Variants in RPL9 observed in about 807,000 individuals in gnomAD.
RPL9 encodes ribosomal protein L9.
For synonymous variants in RPL9, 82 were observed against 77.1 expected, an observed-to-expected ratio of 1.06 and a Z score of -0.33; for missense variants, 149 against 236.7, an observed-to-expected ratio of 0.63 and a Z score of 2.43.
intron 3 of RPL9, chr4:39,457,887 C>A: frequency 1.6e-6 from 1 of 626,750 alleles, no homozygotes; most frequent in Non-Finnish European, 2.8e-6. Context: ...AAAATTAAAT[C>A]ATCAGGTTTA....
chr4:39,457,502 C>A (rs1036017680), intron 4 of RPL9, 84 bp downstream of exon 4: 1 of 1,170,636 alleles, frequency 8.5e-7, no homozygotes. Context: ...GACCCATTCT[C>A]TGAAAGAGAC....
intron 1 of RPL9, 109 bp from the exon 2 acceptor site, chr4:39,458,549 C>T: frequency 8.2e-7 from 1 of 1,222,936 alleles, no homozygotes; most frequent in African/African-American, 1.5e-5. Flanking sequence ...AAGTTCCAGA[C>T]AAGATGTCGG....
intron 3 of RPL9, 125 bp from the exon 4 acceptor site, chr4:39,457,806 A>T: frequency 2.4e-6 from 2 of 846,266 alleles, no homozygotes; most frequent in Non-Finnish European, 3.8e-6. Context: ...TTTCAACTGG[A>T]AAAATCCAAC....
At position 39,458,421 on chromosome 4, in the gene RPL9, T is replaced by G. The variant is rs778677660; in HGVS notation, c.19A>C (p.Asn7His). The G allele has an allele frequency of 4.3e-6, 7 of 1,614,236 alleles. No individual in the cohort carries two copies. The highest frequency in any genetic ancestry group is 1.6e-4 in the Middle Eastern group (1 of 6,062). The change falls in exon 2 of 8, where the codon AAT (asparagine) becomes CAT (histidine). Residue 7 changes from asparagine (N) to histidine (H), a missense_variant. Coordinates refer to ENST00000295955, the MANE Select transcript of RPL9 (RefSeq NM_000661.5). ...TTTTCTGGAATGTCGACAGTCTGAT[T>G]GCTGAGAATAGTCTTCATTCTGAAA... MKTILS[N>H]QTVDIPENVD...
rs750658575 is a variant in RPL9 at position 39,458,906 on chromosome 4, G to A, written c.-17C>T. ...ACATCCTTACCTCGCAGTAGACGCAGCAAAGAAAGAACGTCTGTCGTCATT... is the reference window on the plus strand; with the variant it reads ...ACATCCTTACCTCGCAGTAGACGCAACAAAGAAAGAACGTCTGTCGTCATT... On this transcript the variant is annotated 5_prime_UTR_variant, in exon 1 of 8. Transcript: ENST00000295955. The A allele has an allele frequency of 3.4e-5, 24 of 707,490 alleles. No homozygotes were observed. In the Admixed American group the frequency reaches 4.2e-4, roughly 12 times the overall value. The allele number at this position is 707,490 out of a possible 1,614,324, so 43.8% of individuals were successfully genotyped here.
At chr4:39,457,761 A>G in intron 3 of RPL9, 80 bp from the exon 4 acceptor site, 1 of 1,202,094 alleles carries the variant, frequency 8.3e-7, no homozygotes, top group Non-Finnish European at 1.2e-6. Flanking sequence ...AATTACTTTA[A>G]GATTCTAGAA....
chr4:39,458,606 G>C, intron 1 of RPL9, 166 bp from the exon 2 acceptor site: 1 of 683,576 alleles, frequency 1.5e-6, no homozygotes, highest in Non-Finnish European at 2.5e-6. Flanking sequence ...AGCCTGGAAG[G>C]AGCAGCCCCA....
At chr4:39,456,032 C>A in intron 5 of RPL9, 1 of 271,400 alleles carries the variant, frequency 3.7e-6, no homozygotes, top group Non-Finnish European at 7.2e-6. Context: ...TGTTAATTAG[C>A]CTGATTTAGT....
intron 5 of RPL9, 46 bp from the exon 6 acceptor site, chr4:39,454,990 A>T: frequency 6.5e-7 from 1 of 1,538,852 alleles, no homozygotes; most frequent in Non-Finnish European, 8.9e-7. Context: ...CTGTGTAAAA[A>T]ATATTTAAAT....
At position 39,456,393 on chromosome 4, in the gene RPL9, G is replaced by C. The variant is rs762487278; in HGVS notation, c.391+13C>G. ...GAAAAATTTCTTAATTCTGTCTGAG[G>C]GTATGCACATACCTGGTCTCATCCG... On this transcript the variant is annotated intron_variant, in intron 5 of 7. Transcript: ENST00000295955. 1 of 1,613,762 alleles carries C rather than the reference G, an allele frequency of 6.2e-7. No homozygotes were observed. The highest frequency in any genetic ancestry group is 1.7e-5 in the Admixed American group (1 of 59,972).
intron 6 of RPL9, 90 bp downstream of exon 6, chr4:39,454,774 T>C: frequency 2.0e-6 from 3 of 1,474,610 alleles, no homozygotes; most frequent in Middle Eastern, 1.8e-4. Context: ...TTTAAAAAGC[T>C]AATCAAATAA....
intron 7 of RPL9, 21 bp downstream of exon 7, chr4:39,454,512 T>TA: frequency 6.4e-7 from 1 of 1,550,920 alleles, no homozygotes; most frequent in South Asian, 1.2e-5. Flanking sequence ...TAATAAAACT[T>TA]AAGACACTGT....
At chr4:39,455,219 G>A (rs770600706) in intron 5 of RPL9, 37 of 289,344 alleles carry the variant, frequency 1.3e-4, no homozygotes, top group Admixed American at 3.4e-4. Context: ...GTGGTGGTAC[G>A]TGCCTATACT....
chr4:39,454,287 A>T (rs902191032), intron 7 of RPL9, 62 bp from the exon 8 acceptor site: 7 of 316,288 alleles, frequency 2.2e-5, no homozygotes, highest in African/African-American at 1.3e-4. Flanking sequence ...GAAAGTACTA[A>T]TCTTTTTTCT....
chr4:39,456,659 TA>T, intron 4 of RPL9, 121 bp from the exon 5 acceptor site: 2 of 1,084,476 alleles, frequency 1.8e-6, no homozygotes, highest in East Asian at 2.6e-5. Flanking sequence ...GATTTTCTAA[TA>T]ACTGTCACCT....
intron 1 of RPL9, 40 bp from the exon 2 acceptor site, chr4:39,458,480 C>T (rs538308939): frequency 3.1e-5 from 49 of 1,606,184 alleles, no homozygotes; most frequent in East Asian, 6.7e-5. Flanking sequence ...ACGCAAGGCC[C>T]GTTTTTCCAC....
At chr4:39,458,868 C>G (rs1253798450) in intron 1 of RPL9, 23 bp downstream of exon 1, 2 of 698,940 alleles carry the variant, frequency 2.9e-6, no homozygotes, top group African/African-American at 1.7e-5. Flanking sequence ...CCAGTACCCC[C>G]ACGAGCACAG....
chr4:39,457,514 C>T, intron 4 of RPL9, 72 bp downstream of exon 4: 2 of 1,259,100 alleles, frequency 1.6e-6, no homozygotes, highest in Non-Finnish European at 2.3e-6. Context: ...GAAAGAGACA[C>T]TTACGCTGTA....
intron 4 of RPL9, 125 bp downstream of exon 4, chr4:39,457,461 G>A (rs1744147411): frequency 2.5e-6 from 2 of 814,660 alleles, no homozygotes; most frequent in African/African-American, 1.7e-5. Flanking sequence ...TTTTTGCCAA[G>A]TTCTTGCGTA....
Sources: gnomAD v4.1 joint callset for allele counts on GRCh38, gnomAD v4.1.1 for gene constraint, MANE v1.5 for transcripts, NCBI Gene and HGNC (gene_info 2026-07-23, HGNC 2026-07-21) for gene names.